Variants in GRB14 observed in about 807,000 individuals in gnomAD.
GRB14 encodes growth factor receptor-bound protein 14.
In GRB14, 38 loss-of-function variants were observed where a neutral mutation model predicts 69.1. The ratio of observed to expected loss-of-function variants is 0.55; its 90% CI spans 0.42 to 0.72. GRB14 has a LOEUF of 0.72. Ranked by LOEUF, GRB14 falls within the 30% of genes least tolerant of loss-of-function variation. The pLI is 0.00. For missense variants in GRB14, 666 were observed against 666.1 expected, an observed-to-expected ratio of 1.00 and a Z score of 0.00; for synonymous variants, 247 against 241.3, an observed-to-expected ratio of 1.02 and a Z score of -0.22.
At chr2:164,565,021 C>T (rs1394477578) in intron 2 of GRB14, among the ~76,000 whole-genome samples, 1 of 151,964 alleles carries the variant, frequency 6.6e-6, no homozygotes, top group African/African-American at 2.4e-5. Context: ...TCTCAAAAAA[C>T]AAACAAATAA....
At chr2:164,534,962 A>G (rs1463091947) in intron 3 of GRB14, among the ~76,000 whole-genome samples, 1 of 152,208 alleles carries the variant, frequency 6.6e-6, no homozygotes. Flanking sequence ...ATACAAGTCT[A>G]TTTAAAATAA....
At position 164,539,340 on chromosome 2, in the gene GRB14, TG is replaced by T. The variant is rs368453767; in HGVS notation, c.481+8319del. Among the ~76,000 whole-genome samples, 996 of 152,078 alleles carry T rather than the reference TG, an allele frequency of 6.5e-3. 9 individuals are homozygous for T. Among genetic ancestry groups the T allele is most frequent in the African/African-American group, 0.022 (933 of 41,480 alleles). Reference sequence around the variant, plus strand: ...AAATACAAAAATTAGCCAGGCGTGATGGTGCACGCCTGAAATCCCAGCTACT... The same window carrying T: ...AAATACAAAAATTAGCCAGGCGTGATGTGCACGCCTGAAATCCCAGCTACT... On this transcript the variant is annotated intron_variant, in intron 3 of 13. Transcript: ENST00000263915.
At position 164,621,108 on chromosome 2, in the gene GRB14, G is replaced by A. The variant is rs758108484; in HGVS notation, c.191+11C>T. 8.0e-7 allele frequency: 1 copy of A among 1,246,066 alleles called. No individual in the cohort carries two copies. The highest frequency in any genetic ancestry group is 1.0e-6 in the Non-Finnish European group (1 of 988,392). The allele number at this position is 1,246,066 out of a possible 1,614,324, so 77.2% of individuals were successfully genotyped here. A position where few individuals can be genotyped will look rare whatever the true frequency, so the allele number is the denominator to read the frequency against. On this transcript the variant is annotated intron_variant, in intron 1 of 13. Coordinates refer to ENST00000263915, the MANE Select transcript of GRB14 (RefSeq NM_004490.3). This position sits in a 1 kb window ranked among gnomAD's most constrained non-coding sequence, Gnocchi z 6.0. ...CCAGGACACTCCCCCGCGCCCTCCA[G>A]GGTTGCCTACCTGTCTGCAGCACAG...
chr2:164,591,594 T>A (rs1175584485), intron 2 of GRB14, among the ~76,000 whole-genome samples: 2 of 152,176 alleles, frequency 1.3e-5, no homozygotes, highest in African/African-American at 4.8e-5. Flanking sequence ...TGATCTTCTC[T>A]AATTCCCAGG....
At chr2:164,614,947 G>A (rs1294672953) in intron 2 of GRB14, among the ~76,000 whole-genome samples, 1 of 152,132 alleles carries the variant, frequency 6.6e-6, no homozygotes, top group South Asian at 2.1e-4. Context: ...GAAATAAAAG[G>A]CCGAGCATAT....
At chr2:164,590,148 C>A (rs1218861760) in intron 2 of GRB14, among the ~76,000 whole-genome samples, 2 of 152,158 alleles carry the variant, frequency 1.3e-5, no homozygotes, top group Non-Finnish European at 2.9e-5. Flanking sequence ...CCTCCACAAG[C>A]AATTTTCATA....
At chr2:164,544,844 C>G (rs1688330800) in intron 3 of GRB14, among the ~76,000 whole-genome samples, 1 of 152,148 alleles carries the variant, frequency 6.6e-6, no homozygotes, top group Admixed American at 6.6e-5. Flanking sequence ...CACCAGTTGT[C>G]AAATCAGAAG....
chr2:164,605,770 T>C lies in GRB14; in HGVS notation c.324+13917A>G, dbSNP rs1012313635. On this transcript the variant is annotated intron_variant, in intron 2 of 13. Coordinates refer to ENST00000263915, the MANE Select transcript of GRB14 (RefSeq NM_004490.3). Reference sequence around the variant, plus strand: ...AAGTAAAGTAGGAAAATAGTTCAAATGTTTAAAACCCAATATCTTTACTGG... The same window carrying C: ...AAGTAAAGTAGGAAAATAGTTCAAACGTTTAAAACCCAATATCTTTACTGG... Among the ~76,000 whole-genome samples the C allele has an allele frequency of 2.6e-5, 4 of 152,172 alleles. No homozygotes were observed. The South Asian group carries it at 8.3e-4, about 32-fold the overall frequency.
chr2:164,518,277 A>T (rs1687546842), intron 6 of GRB14, among the ~76,000 whole-genome samples: 1 of 152,204 alleles, frequency 6.6e-6, no homozygotes, highest in African/African-American at 2.4e-5. Context: ...TTGTTAGGTC[A>T]ATAATGAAAT....
intron 2 of GRB14, among the ~76,000 whole-genome samples, chr2:164,550,739 G>A (rs1001453212): frequency 2.0e-5 from 3 of 151,862 alleles, no homozygotes; most frequent in African/African-American, 7.3e-5. Flanking sequence ...AAAAAAAAAT[G>A]CAAACTACAG....
At chr2:164,615,425 G>C (rs926142679) in intron 2 of GRB14, among the ~76,000 whole-genome samples, 3 of 152,134 alleles carry the variant, frequency 2.0e-5, no homozygotes, top group Non-Finnish European at 2.9e-5. Flanking sequence ...AATGGCGTTT[G>C]TCTCCCCTGT....
chr2:164,546,527 G>A (rs1030588443), intron 3 of GRB14, among the ~76,000 whole-genome samples: 1 of 152,122 alleles, frequency 6.6e-6, no homozygotes, highest in South Asian at 2.1e-4. Flanking sequence ...ACGGGCGACA[G>A]GAAAGTAAAG....
intron 2 of GRB14, among the ~76,000 whole-genome samples, chr2:164,602,412 A>C (rs1357731976): frequency 6.6e-6 from 1 of 152,220 alleles, no homozygotes; most frequent in Non-Finnish European, 1.5e-5. Context: ...TAATAGGTCA[A>C]AATTGAGATT....
intron 2 of GRB14, among the ~76,000 whole-genome samples, chr2:164,615,730 A>G (rs1245502792): frequency 6.6e-6 from 1 of 152,216 alleles, no homozygotes; most frequent in Non-Finnish European, 1.5e-5. Context: ...TAAAGCCTTC[A>G]GAGGCTTTAT....
chr2:164,571,818 A>G (rs1180715925), intron 2 of GRB14, among the ~76,000 whole-genome samples: 1 of 152,192 alleles, frequency 6.6e-6, no homozygotes, highest in African/African-American at 2.4e-5. Flanking sequence ...AGCCAGGGAG[A>G]AAACTGTAAT....
intron 2 of GRB14, among the ~76,000 whole-genome samples, chr2:164,602,464 TA>T (rs1487018780): frequency 2.6e-5 from 4 of 152,198 alleles, no homozygotes; most frequent in Non-Finnish European, 5.9e-5. Flanking sequence ...AATGTGCAAT[TA>T]TTTTTTTCCT....
intron 2 of GRB14, among the ~76,000 whole-genome samples, chr2:164,609,999 T>A (rs144410721): frequency 0.011 from 1,627 of 152,318 alleles, 28 homozygotes; most frequent in African/African-American, 0.036. Context: ...AAGCTTTCCC[T>A]GTGTGTGATG....
chr2:164,582,426 T>TTA (rs1274091006), intron 2 of GRB14, among the ~76,000 whole-genome samples: 19 of 46,568 alleles, frequency 4.1e-4, no homozygotes, highest in African/African-American at 7.4e-4. Flanking sequence ...TATTTATTAT[T>TTA]TTTTTTTTTT....
intron 2 of GRB14, among the ~76,000 whole-genome samples, chr2:164,572,358 C>T (rs552489479): frequency 1.3e-5 from 2 of 152,260 alleles, no homozygotes; most frequent in East Asian, 3.9e-4. Context: ...TCATAATGTT[C>T]CTCAGTTCAT....
Sources: gnomAD v4.1 joint callset for allele counts (sites outside exome capture counted in the v4.1 genomes callset) on GRCh38, gnomAD v4.1.1 for gene constraint, Gnocchi (gnomAD v3.1) non-coding constraint, MANE v1.5 for transcripts, NCBI Gene and HGNC (gene_info 2026-07-23, HGNC 2026-07-21) for gene names.